Variants in SIGLEC1 observed in about 807,000 individuals in gnomAD.
SIGLEC1 encodes sialic acid binding Ig like lectin 1, also known as sialoadhesin.
Under a neutral mutation model 148.0 loss-of-function variants are expected in SIGLEC1, and 132 were observed. The ratio of observed to expected loss-of-function variants is 0.89; its 90% CI spans 0.77 to 1.03. The LOEUF is 1.03. SIGLEC1 is among the 50% of genes least tolerant of loss of function. SIGLEC1 has a pLI of 0.00. For synonymous variants in SIGLEC1, 945 were observed against 969.0 expected (o/e 0.98, Z 0.46); for missense variants, 2,253 against 2,271.4 (o/e 0.99, Z 0.16).
intron 5 of SIGLEC1, 22 bp downstream of exon 5, chr20:3,703,803 C>T (rs760176281): frequency 3.7e-5 from 59 of 1,612,934 alleles, no homozygotes; most frequent in South Asian, 8.8e-5. Flanking sequence ...CTGGCCAATA[C>T]GCAACCTTCC....
chr20:3,689,185 C>T lies in SIGLEC1; in HGVS notation c.5040G>A (p.Val1680=). 3 of 1,614,188 alleles carry T rather than the reference C, an allele frequency of 1.9e-6. No homozygotes were observed. The highest frequency in any genetic ancestry group is 1.7e-5 in the Admixed American group (1 of 60,026). The stretch of plus-strand genomic sequence containing the variant: ...TGGTCTCTTTCTGAAAAGCCATCTC[C>T]ACCGAATTCTCGCCCATGCTCTGCT... ...VCKQSMGENS[V]EMAFQKETTQ... Residue 1680 remains valine, a synonymous_variant, in exon 21 of 22, where the codon GTG becomes GTA. Coordinates refer to ENST00000344754, the MANE Select transcript of SIGLEC1 (RefSeq NM_023068.4).
Position 3,706,360 on chromosome 20 carries a change from C to T in SIGLEC1, c.396G>A (p.Leu132=). ...CCCACTTATCACCTGTTACTGTGACCAAGGTGCCTTTCACATCTGACCAGC... is the reference window on the plus strand; with the variant it reads ...CCCACTTATCACCTGTTACTGTGACTAAGGTGCCTTTCACATCTGACCAGC... The part of the protein sequence containing the change: ...VNRWSDVKGT[L]VTVTEEPRVP... Residue 132 remains leucine, a synonymous_variant, in exon 3 of 22, where the codon TTG becomes TTA. Coordinates refer to ENST00000344754, the MANE Select transcript of SIGLEC1 (RefSeq NM_023068.4). 1.2e-6 allele frequency: 2 copies of T among 1,610,414 alleles called. No homozygotes were observed. Among genetic ancestry groups the T allele is most frequent in the South Asian group, 1.1e-5 (1 of 91,002 alleles).
chr20:3,698,477 T>C (rs1416631463), intron 8 of SIGLEC1, among the ~76,000 whole-genome samples: 1 of 152,224 alleles, frequency 6.6e-6, no homozygotes, highest in Non-Finnish European at 1.5e-5. Flanking sequence ...CTGGGGGTCA[T>C]GCTGTCTGCT....
At position 3,701,572 on chromosome 20, in the gene SIGLEC1, CAGTGA is replaced by C; in HGVS notation, c.1293_1297del (p.His432LeufsTer5). The C allele has an allele frequency of 6.2e-7, 1 of 1,604,950 alleles. No homozygotes were observed. ...GGCCAGGGGCTCACTGACCACAGAG[CAGTGA>C]AGGATGCCCACAAGTCCCGCCTGGG... On this transcript the variant is annotated frameshift_variant, in exon 7 of 22. Coordinates refer to ENST00000344754, the MANE Select transcript of SIGLEC1 (RefSeq NM_023068.4). LOFTEE classifies it high-confidence loss of function.
In SIGLEC1 at chr20:3,688,501, G is replaced by C. The variant is rs767129010; in HGVS notation, c.*59C>G. 15 of 1,362,762 alleles carry C rather than the reference G, an allele frequency of 1.1e-5. No homozygotes were observed. Among genetic ancestry groups the C allele is most frequent in the Non-Finnish European group, 1.5e-5 (15 of 974,198 alleles). The allele number at this position is 1,362,762 out of a possible 1,614,324, so 84.4% of individuals were successfully genotyped here. On this transcript the variant is annotated 3_prime_UTR_variant, in exon 22 of 22. Transcript: ENST00000344754. The stretch of plus-strand genomic sequence containing the variant: ...AACACTGCCTCATTCACATTCATAG[G>C]CTGGAGTCATCACAGATTCTGGCCA...
intron 11 of SIGLEC1, among the ~76,000 whole-genome samples, chr20:3,695,833 AAGAC>A (rs2088815531): frequency 7.0e-6 from 1 of 143,158 alleles, no homozygotes; most frequent in Non-Finnish European, 1.5e-5. Flanking sequence ...TTTTTTTTTT[AAGAC>A]AGAGTCTCAC....
intron 8 of SIGLEC1, 43 bp downstream of exon 8, chr20:3,699,159 G>T: frequency 1.3e-6 from 2 of 1,594,572 alleles, no homozygotes; most frequent in Non-Finnish European, 1.7e-6. Flanking sequence ...TGGGGTGGCT[G>T]GTGGGTCCCG....
chr20:3,696,864 G>A lies in SIGLEC1; in HGVS notation c.2405C>T (p.Ser802Leu). ...GCCCTGGCCCATGTCTAGGAGGGCT[G>A]ACAGCTTTGGACGGTCCGGGGGATC... ...VLYPPDRPKLSALLDMGQGHM... is the reference protein window; with the variant it reads ...VLYPPDRPKLLALLDMGQGHM... The change falls in exon 11 of 22, where the codon TCA becomes TTA. Residue 802 changes from serine to leucine, a missense_variant. Transcript: ENST00000344754. 6.4e-7 allele frequency: 1 copy of A among 1,559,604 alleles called. No individual in the cohort carries two copies. The highest frequency in any genetic ancestry group is 8.7e-7 in the Non-Finnish European group (1 of 1,153,576).
chr20:3,699,239 G>T lies in SIGLEC1; in HGVS notation c.1749C>A (p.Ala583=). 2 of 1,610,764 alleles carry T rather than the reference G, an allele frequency of 1.2e-6. No individual in the cohort carries two copies. The highest frequency in any genetic ancestry group is 1.7e-6 in the Non-Finnish European group (2 of 1,179,232). The change falls in exon 8 of 22, where the codon GCC becomes GCA. Residue 583 remains alanine, a synonymous_variant. Transcript: ENST00000344754. ...YHCRARDGHS[A]SGPSSPAVLT... ...GAACAGCTGGCGAAGAGGGGCCACT[G>T]GCACTGTGGCCGTCCCGGGCCCGGC... is the stretch of plus-strand genomic sequence containing the variant.
rs983627439 is a variant in SIGLEC1, at chr20:3,696,827, C to T, written c.2442G>A (p.Leu814=). The T allele has an allele frequency of 4.4e-6, 7 of 1,599,920 alleles. No homozygotes were observed. Among genetic ancestry groups the T allele is most frequent in the East Asian group, 4.5e-5 (2 of 44,694 alleles). Residue 814 remains leucine (L), a synonymous_variant, in exon 11 of 22, where the codon CTG becomes CTA. Transcript: ENST00000344754. ...LLDMGQGHMA[L]FICTVDSRPL... ...GGCGGCTGTCCACAGTGCAGATGAA[C>T]AGAGCCATGTGGCCCTGGCCCATGT...
chr20:3,691,608 C>A lies in SIGLEC1; in HGVS notation c.4331-8G>T. On this transcript the variant is annotated splice_polypyrimidine_tract_variant and splice_region_variant and intron_variant, in intron 17 of 21. Coordinates refer to ENST00000344754, the MANE Select transcript of SIGLEC1 (RefSeq NM_023068.4). The stretch of plus-strand genomic sequence containing the variant: ...CTGCCACCACGCGTGCACCTGCGGG[C>A]GGAGGATAGAGAGATGATTGGGGAT... 1 of 1,610,112 alleles carries A rather than the reference C, an allele frequency of 6.2e-7. No individual in the cohort carries two copies. Among genetic ancestry groups the A allele is most frequent in the Non-Finnish European group, 8.5e-7 (1 of 1,178,656 alleles).
rs767615450 is a variant in SIGLEC1, at chr20:3,698,080, C to T, written c.1840G>A (p.Ala614Thr). ...AGGAGGCCTCGCCGTCCAGCCCCGGCCCCAGCGGCATCAAGGTCCAGCCTG... is the reference window on the plus strand; with the variant it reads ...AGGAGGCCTCGCCGTCCAGCCCCGGTCCCAGCGGCATCAAGGTCCAGCCTG... ...TTRLDLDAAG[A>T]GAGRRGLLLC... is the part of the protein sequence containing the mutation. The change falls in exon 9 of 22, where the codon GCC (alanine) becomes ACC (threonine). Residue 614 changes from alanine (A) to threonine (T), a missense_variant. By Grantham distance (58) the Ala-to-Thr change is moderately conservative (BLOSUM62 0). Coordinates refer to ENST00000344754, the MANE Select transcript of SIGLEC1 (RefSeq NM_023068.4). The T allele has an allele frequency of 1.9e-6, 3 of 1,608,424 alleles. No homozygotes were observed. The highest frequency in any genetic ancestry group is 2.2e-5 in the East Asian group (1 of 44,774).
chr20:3,705,247 T>G (rs2087883849), intron 4 of SIGLEC1, among the ~76,000 whole-genome samples: 1 of 152,206 alleles, frequency 6.6e-6, no homozygotes, highest in Non-Finnish European at 1.5e-5. Flanking sequence ...TCCACCCGCC[T>G]CAGCCTCCCA....
At position 3,691,400 on chromosome 20, in the gene SIGLEC1, A is replaced by G; in HGVS notation, c.4531T>C (p.Cys1511Arg). ...VARAQAGMYH[C>R]LAELPTGAAA... ...GCCCCAGTGGGGAGCTCAGCCAGGC[A>G]GTGGTACATCCCAGCTTGAGCACGA... Residue 1511 changes from cysteine (C) to arginine (R), a missense_variant, in exon 18 of 22, where the codon TGC (cysteine) becomes CGC (arginine). Transcript: ENST00000344754. The G allele has an allele frequency of 1.2e-6, 2 of 1,613,416 alleles. No individual in the cohort carries two copies. The highest frequency in any genetic ancestry group is 2.2e-5 in the South Asian group (2 of 91,088).
rs758888295 is a variant in SIGLEC1 at position 3,692,966 on chromosome 20, C to T, written c.3674G>A (p.Arg1225His). ...STAASVPNTL[R>H]LELRGPQPRD... ...GGGCTGTGGCCCTCGCAGCTCCAGG[C>T]GCAGGGTGTTGGGGACAGAGGCTGC... The change falls in exon 15 of 22, where the codon CGC becomes CAC. Residue 1225 changes from arginine to histidine, a missense_variant. Arg to His is a conservative substitution (Grantham distance 29). Coordinates refer to ENST00000344754, the MANE Select transcript of SIGLEC1 (RefSeq NM_023068.4). 6.6e-5 allele frequency: 107 copies of T among 1,612,506 alleles called. 1 individual carries two copies. Among genetic ancestry groups the T allele is most frequent in the Middle Eastern group, 6.6e-4 (4 of 6,078 alleles).
Position 3,693,490 on chromosome 20 carries a change from A to AC in SIGLEC1, c.3464dup (p.Arg1156SerfsTer81). On this transcript the variant is annotated frameshift_variant, in exon 14 of 22. Transcript: ENST00000344754. LOFTEE classifies it high-confidence loss of function. The stretch of plus-strand genomic sequence containing the variant: ...TAGGTCTGGAGAGGCGGGGTGCCCG[A>AC]CCAGGGGGGCCCACACCGCAGCGGT... The AC allele has an allele frequency of 6.2e-7, 1 of 1,604,620 alleles. No individual in the cohort carries two copies.
rs774878376 is a variant in SIGLEC1, at chr20:3,693,114, G to T, written c.3526C>A (p.Arg1176Ser). 1.8e-5 allele frequency: 29 copies of T among 1,572,310 alleles called. No individual in the cohort carries two copies. In the South Asian group the frequency reaches 2.9e-4, roughly 16 times the overall value. Residue 1176 changes from arginine (R) to serine (S), a missense_variant, in exon 15 of 22, where the codon CGC becomes AGC. Coordinates refer to ENST00000344754, the MANE Select transcript of SIGLEC1 (RefSeq NM_023068.4). ...TGGCTCTCCAGGAGGTAGGTCAGGC[G>T]CAGGTTGCGGGGCGCGTCTGCAGGG... ...LDVLYAPRNL[R>S]LTYLLESHGG...
intron 1 of SIGLEC1, among the ~76,000 whole-genome samples, chr20:3,708,016 G>C (rs1164872991): frequency 6.6e-6 from 1 of 152,204 alleles, no homozygotes; most frequent in Non-Finnish European, 1.5e-5. Context: ...CATTTCTCAG[G>C]ACCTAGAACT....
Position 3,705,716 on chromosome 20 carries a change from C to T in SIGLEC1, c.706+28G>A. 3 of 1,579,908 alleles carry T rather than the reference C, an allele frequency of 1.9e-6. 1 individual carries two copies. The highest frequency in any genetic ancestry group is 2.3e-5 in the South Asian group (2 of 85,794). On this transcript the variant is annotated intron_variant, in intron 4 of 21. Coordinates refer to ENST00000344754, the MANE Select transcript of SIGLEC1 (RefSeq NM_023068.4). ...GTCAGGAGCAACAGATGCGCTCAGC[C>T]ACAAGGGTGTGTCCCCAGACAACTC...
Sources: allele counts gnomAD v4.1 joint callset (sites outside exome capture counted in the v4.1 genomes callset), GRCh38; gene constraint gnomAD v4.1.1; transcripts MANE v1.5; gene names NCBI Gene and HGNC (gene_info 2026-07-23, HGNC 2026-07-21).